The following GRIP1 variants were observed in gnomAD, a reference collection of about 807,000 sequenced individuals.
The protein encoded by GRIP1 is glutamate receptor-interacting protein 1.
A neutral mutation model predicts 129.9 loss-of-function variants in GRIP1; 45 were observed. That is an observed-to-expected ratio of 0.35 (90% CI 0.27 to 0.44). The LOEUF is 0.44. GRIP1 is among the 20% of genes least tolerant of loss of function. The pLI is 1.00. For missense variants in GRIP1, 1,196 were observed against 1,396.8 expected (o/e 0.86, Z 2.29); for synonymous variants, 530 against 520.8 (o/e 1.02, Z -0.24).
At chr12:66,993,916 T>C (rs910629765) in intron 1 of GRIP1, among the ~76,000 whole-genome samples, 1 of 151,958 alleles carries the variant, frequency 6.6e-6, no homozygotes, top group African/African-American at 2.4e-5. Context: ...TTAGATTAAA[T>C]GGACAAATTC....
At chr12:66,429,019 A>G (rs190939841) in intron 14 of GRIP1, among the ~76,000 whole-genome samples, 25 of 152,330 alleles carry the variant, frequency 1.6e-4, no homozygotes, top group African/African-American at 6.0e-4. Flanking sequence ...GCTACAATAA[A>G]TCACTCTATA....
At chr12:66,474,250 A>C (rs887549565) in intron 7 of GRIP1, among the ~76,000 whole-genome samples, 35 of 152,040 alleles carry the variant, frequency 2.3e-4, no homozygotes, top group African/African-American at 8.4e-4. Context: ...GATCAGCTTA[A>C]TGAAATAAAG....
intron 1 of GRIP1, among the ~76,000 whole-genome samples, chr12:67,056,116 G>A (rs2043431080): frequency 6.6e-6 from 1 of 152,164 alleles, no homozygotes; most frequent in African/African-American, 2.4e-5. Context: ...CCAAAAAGGA[G>A]CCATACCATG....
At chr12:66,835,754 A>G (rs1389430420) in intron 1 of GRIP1, among the ~76,000 whole-genome samples, 1 of 152,242 alleles carries the variant, frequency 6.6e-6, no homozygotes, top group Admixed American at 6.5e-5. Context: ...GGGAATGGAC[A>G]GGTGGAGCAC....
chr12:66,446,745 G>A (rs542792524), intron 11 of GRIP1, among the ~76,000 whole-genome samples: 1 of 152,166 alleles, frequency 6.6e-6, no homozygotes, highest in East Asian at 1.9e-4. Flanking sequence ...CTAGCAAGCT[G>A]GCTTTATGCT....
intron 1 of GRIP1, among the ~76,000 whole-genome samples, chr12:66,647,760 A>T (rs2032486518): frequency 6.6e-6 from 1 of 152,194 alleles, no homozygotes; most frequent in South Asian, 2.1e-4. Flanking sequence ...TTTGTAAATC[A>T]TGATCGTCTT....
intron 22 of GRIP1, among the ~76,000 whole-genome samples, chr12:66,375,309 G>T (rs1377825253): frequency 2.6e-5 from 4 of 152,090 alleles, no homozygotes; most frequent in African/African-American, 9.7e-5. Context: ...ATTATTGCTA[G>T]CAATAGGGGA....
chr12:67,045,227 G>T (rs2043235729), intron 1 of GRIP1, among the ~76,000 whole-genome samples: 1 of 152,148 alleles, frequency 6.6e-6, no homozygotes, highest in Admixed American at 6.6e-5. Flanking sequence ...TTTCAATGAA[G>T]TAATTAGTCA....
intron 1 of GRIP1, among the ~76,000 whole-genome samples, chr12:66,792,788 A>G (rs953291428): frequency 6.6e-6 from 1 of 152,314 alleles, no homozygotes. Context: ...GAAAATTACA[A>G]CACTCCAAGT....
chr12:66,817,826 C>T (rs1202271480), intron 1 of GRIP1, among the ~76,000 whole-genome samples: 4 of 152,054 alleles, frequency 2.6e-5, no homozygotes, highest in Admixed American at 2.0e-4. Flanking sequence ...TAAAAAATGC[C>T]TAAGACAGGC....
At chr12:66,398,026 C>T (rs1173510129) in intron 16 of GRIP1, among the ~76,000 whole-genome samples, 1 of 152,254 alleles carries the variant, frequency 6.6e-6, no homozygotes, top group South Asian at 2.1e-4. Flanking sequence ...CCATATGGCC[C>T]GTCTGCCCAC....
chr12:66,649,206 T>G (rs7304381), intron 1 of GRIP1, among the ~76,000 whole-genome samples: 6,349 of 152,302 alleles, frequency 0.042, 453 homozygotes, highest in African/African-American at 0.14. Context: ...CTCGATTCTC[T>G]TGATAGTATT....
intron 1 of GRIP1, among the ~76,000 whole-genome samples, chr12:66,930,591 G>A (rs570384711): frequency 7.2e-5 from 11 of 152,226 alleles, no homozygotes; most frequent in African/African-American, 2.6e-4. Flanking sequence ...CTTTATAGCG[G>A]AGACTCTCCC....
At chr12:66,509,931 A>G (rs1156304571) in intron 7 of GRIP1, among the ~76,000 whole-genome samples, 1 of 152,054 alleles carries the variant, frequency 6.6e-6, no homozygotes, top group Non-Finnish European at 1.5e-5. Context: ...CACATCCTGC[A>G]CATGTACCCC....
At chr12:66,723,525 T>C (rs1278509072) in intron 1 of GRIP1, among the ~76,000 whole-genome samples, 2 of 151,548 alleles carry the variant, frequency 1.3e-5, no homozygotes, top group Non-Finnish European at 2.9e-5. Context: ...GTTGGCCAGG[T>C]TGGTCTCAAA....
At chr12:67,026,390 A>C (rs1013058548) in intron 1 of GRIP1, among the ~76,000 whole-genome samples, 1 of 151,958 alleles carries the variant, frequency 6.6e-6, no homozygotes, top group African/African-American at 2.4e-5. Context: ...CTTACTTTTG[A>C]CTTCCATAGT....
At position 66,373,245 on chromosome 12, in the gene GRIP1, A is replaced by G. The variant is rs537474008; in HGVS notation, c.2779-1318T>C. On this transcript the variant is annotated intron_variant, in intron 22 of 24. Coordinates refer to ENST00000359742, the MANE Select transcript of GRIP1 (RefSeq NM_001366722.1). ...GCTGGGACTACAGGCATGCGCCACCATGCTTGGCTAATTTTTGTATTTTTA... is the reference window on the plus strand; with the variant it reads ...GCTGGGACTACAGGCATGCGCCACCGTGCTTGGCTAATTTTTGTATTTTTA... Among the ~76,000 whole-genome samples, 277 of 152,246 alleles carry G rather than the reference A, an allele frequency of 1.8e-3. 1 individual carries two copies. The highest frequency in any genetic ancestry group is 6.4e-3 in the African/African-American group (264 of 41,550).
At chr12:66,726,838 TA>T (rs1385890998) in intron 1 of GRIP1, among the ~76,000 whole-genome samples, 1 of 152,198 alleles carries the variant, frequency 6.6e-6, no homozygotes, top group East Asian at 1.9e-4. Flanking sequence ...GGCTGGATCC[TA>T]AAATGAAGTG....
chr12:66,955,650 G>A (rs2041829593), intron 1 of GRIP1, among the ~76,000 whole-genome samples: 1 of 151,898 alleles, frequency 6.6e-6, no homozygotes, highest in African/African-American at 2.4e-5. Context: ...TGGGATTACA[G>A]GCGTGCATCA....
Sources: gnomAD v4.1 joint callset for allele counts (sites outside exome capture counted in the v4.1 genomes callset) on GRCh38, gnomAD v4.1.1 for gene constraint, MANE v1.5 for transcripts, NCBI Gene and HGNC (gene_info 2026-07-23, HGNC 2026-07-21) for gene names.